ATP10B: variants seen among roughly 807,000 people sequenced by gnomAD.
The protein encoded by ATP10B is ATPase phospholipid transporting 10B (putative), also known as phospholipid-transporting ATPase VB.
ATP10B carries 122 observed loss-of-function variants against 141.2 expected under a neutral mutation model. The ratio of observed to expected loss-of-function variants is 0.86; its 90% confidence interval spans 0.75 to 1.00. The LOEUF (loss-of-function observed/expected upper bound fraction) is 1.00. Among genes scored for constraint, ATP10B ranks in the 50% least tolerant of loss-of-function variants. The pLI, the probability that ATP10B is intolerant of heterozygous loss-of-function variation, is 0.00. For synonymous variants in ATP10B, 685 were observed against 692.0 expected, an observed-to-expected ratio of 0.99 and a Z score of 0.16; for missense variants, 1,876 against 1,825.3, an observed-to-expected ratio of 1.03 and a Z score of -0.51.
At chr5:160,870,477 G>A in the ATP10B span, among the ~76,000 whole-genome samples, 1 of 150,856 alleles carries the variant, frequency 6.6e-6, no homozygotes, top group South Asian at 2.1e-4. Context: ...GAGATGAAAA[G>A]AATCTCTGAG....
the ATP10B span, among the ~76,000 whole-genome samples, chr5:160,907,871 A>G: frequency 6.6e-6 from 1 of 152,192 alleles, no homozygotes; most frequent in African/African-American, 2.4e-5. Flanking sequence ...CATAAGAGTG[A>G]TGGTGACATG....
intron 5 of ATP10B, chr5:160,686,885 G>T (rs1581357271): frequency 2.2e-6 from 2 of 901,672 alleles, no homozygotes; most frequent in East Asian, 1.2e-4. Context: ...AATATTGAGG[G>T]TGATATATAA....
At chr5:160,795,410 A>T (rs943592711) in intron 1 of ATP10B, among the ~76,000 whole-genome samples, 2 of 152,082 alleles carry the variant, frequency 1.3e-5, no homozygotes, top group Non-Finnish European at 2.9e-5. Context: ...GTCATTTCCC[A>T]TCTCTGTCCT....
chr5:160,566,655 T>A (rs13357976), intron 25 of ATP10B, among the ~76,000 whole-genome samples: 6,982 of 152,212 alleles, frequency 0.046, 537 homozygotes, highest in African/African-American at 0.16. Flanking sequence ...GTGTCTAGAA[T>A]CTTCTCTCTG....
At chr5:160,911,716 G>A in the ATP10B span, among the ~76,000 whole-genome samples, 3 of 152,174 alleles carry the variant, frequency 2.0e-5, no homozygotes, top group Admixed American at 1.3e-4. Flanking sequence ...TTTTTCAGGA[G>A]GTCTGAGAGG....
At chr5:160,876,445 A>C in the ATP10B span, among the ~76,000 whole-genome samples, 1 of 150,584 alleles carries the variant, frequency 6.6e-6, no homozygotes, top group African/African-American at 2.4e-5. Context: ...AAACATCCAA[A>C]ATTGACACCC....
At chr5:160,814,781 G>T (rs1357532519) in intron 1 of ATP10B, among the ~76,000 whole-genome samples, 1 of 150,376 alleles carries the variant, frequency 6.6e-6, no homozygotes, top group Non-Finnish European at 1.5e-5. Context: ...ACTAACAGCT[G>T]ATCTCTCAGC....
At chr5:160,905,652 T>C in the ATP10B span, among the ~76,000 whole-genome samples, 1 of 152,148 alleles carries the variant, frequency 6.6e-6, no homozygotes. Context: ...AGATCATTTA[T>C]ATAAAGCACT....
intron 8 of ATP10B, among the ~76,000 whole-genome samples, chr5:160,648,318 G>C (rs116567061): frequency 1.2e-3 from 181 of 152,202 alleles, no homozygotes; most frequent in Middle Eastern, 6.8e-3. Flanking sequence ...AACATTATGA[G>C]ATTATTATTA....
At chr5:160,879,071 A>G in the ATP10B span, among the ~76,000 whole-genome samples, 4 of 73,828 alleles carry the variant, frequency 5.4e-5, no homozygotes, top group Admixed American at 5.1e-4. Context: ...ATGCTGCTAT[A>G]AAGACACATG....
At chr5:160,615,267 A>G (rs1471853168) in intron 17 of ATP10B, among the ~76,000 whole-genome samples, 3 of 151,574 alleles carry the variant, frequency 2.0e-5, no homozygotes, top group Admixed American at 6.6e-5. Context: ...CAGGCCTTCA[A>G]TTGGGTCCTC....
intron 2 of ATP10B, among the ~76,000 whole-genome samples, chr5:160,776,503 T>C (rs1770334565): frequency 1.3e-5 from 2 of 152,160 alleles, no homozygotes; most frequent in Admixed American, 1.3e-4. Flanking sequence ...CAATTACTGC[T>C]CTGTTTTGTA....
intron 24 of ATP10B, among the ~76,000 whole-genome samples, chr5:160,570,668 A>G (rs181318209): frequency 1.5e-4 from 23 of 152,270 alleles, no homozygotes; most frequent in Non-Finnish European, 2.6e-4. Context: ...TATTGTTTGT[A>G]TGGTCAGTAT....
At chr5:160,928,477 G>C in the ATP10B span, among the ~76,000 whole-genome samples, 1 of 152,154 alleles carries the variant, frequency 6.6e-6, no homozygotes, top group East Asian at 1.9e-4. Flanking sequence ...GAAGACTCTT[G>C]GTCAAATATG....
chr5:160,919,783 G>A, the ATP10B span, among the ~76,000 whole-genome samples: 1 of 152,162 alleles, frequency 6.6e-6, no homozygotes, highest in African/African-American at 2.4e-5. Flanking sequence ...ACACTTGGCA[G>A]CCATCTCGGG....
chr5:160,602,675 T>G lies in ATP10B; in HGVS notation c.3265A>C (p.Thr1089Pro). ...QAVMSSDFAI[T>P]RFKHLKKLLL... ...AACTTCTTGAGATGCTTAAAGCGGG[T>G]GATGGCAAAGTCGCTGGACATGACA... is the stretch of plus-strand genomic sequence containing the variant. Residue 1089 changes from threonine (T) to proline (P), a missense_variant, in exon 21 of 26, where the codon ACC (threonine) becomes CCC (proline). Thr to Pro is a conservative substitution (Grantham distance 38, BLOSUM62 -1). Coordinates refer to ENST00000327245, the MANE Select transcript of ATP10B (RefSeq NM_025153.3). 6.2e-7 allele frequency: 1 copy of G among 1,613,966 alleles called. No individual in the cohort carries two copies.
chr5:160,723,009 G>A (rs1355873019), intron 2 of ATP10B, among the ~76,000 whole-genome samples: 2 of 152,088 alleles, frequency 1.3e-5, no homozygotes, highest in East Asian at 1.9e-4. Flanking sequence ...TTTTCCTTTC[G>A]CCAAGGCATA....
chr5:160,704,759 A>G (rs1764879686), intron 3 of ATP10B, among the ~76,000 whole-genome samples: 1 of 152,062 alleles, frequency 6.6e-6, no homozygotes, highest in African/African-American at 2.4e-5. Context: ...CACTTTTACC[A>G]ATTATCTTAG....
intron 24 of ATP10B, among the ~76,000 whole-genome samples, chr5:160,573,074 T>A (rs182533875): frequency 6.6e-6 from 1 of 152,320 alleles, no homozygotes; most frequent in African/African-American, 2.4e-5. Flanking sequence ...GTCCTCCTAC[T>A]CCCAAGTTAG....
Sources: gnomAD v4.1 joint callset for allele counts (sites outside exome capture counted in the v4.1 genomes callset) on GRCh38, gnomAD v4.1.1 for gene constraint, MANE v1.5 for transcripts, NCBI Gene and HGNC (gene_info 2026-07-23, HGNC 2026-07-21) for gene names.